The following DAP variants were observed in gnomAD, a reference collection of about 807,000 sequenced individuals.
DAP encodes the protein death associated protein.
In DAP, 8 loss-of-function variants were observed where a neutral mutation model predicts 13.8. The observed-to-expected ratio is 0.58, with a 90% confidence interval of 0.34 to 1.05. The LOEUF (loss-of-function observed/expected upper bound fraction) is 1.05, where lower values mean the gene tolerates loss of function less well. Among genes scored for constraint, DAP ranks in the 50% least tolerant of loss-of-function variants. The probability of loss-of-function intolerance (pLI) is 0.03; values close to 1 mark genes in which losing one functional copy is unlikely to be tolerated. For missense variants in DAP, 106 were observed against 133.2 expected, an observed-to-expected ratio of 0.80 and a Z score of 1.01; for synonymous variants, 47 against 47.5, an observed-to-expected ratio of 0.99 and a Z score of 0.04.
chr5:10,681,925 G>A (rs1420020442), intron 3 of DAP, among the ~76,000 whole-genome samples: 3 of 134,936 alleles, frequency 2.2e-5, no homozygotes, highest in Non-Finnish European at 4.8e-5. Context: ...AAGCATGGCG[G>A]TTGTATATGA....
At chr5:10,732,145 G>A (rs952221767) in intron 2 of DAP, among the ~76,000 whole-genome samples, 3 of 152,172 alleles carry the variant, frequency 2.0e-5, no homozygotes, top group African/African-American at 4.8e-5. Context: ...ACCTAGCCAT[G>A]GTTCCCAATT....
At chr5:10,725,891 C>T (rs1739277078) in intron 2 of DAP, among the ~76,000 whole-genome samples, 1 of 152,216 alleles carries the variant, frequency 6.6e-6, no homozygotes, top group Non-Finnish European at 1.5e-5. Context: ...GAGAGTCCCA[C>T]CACTTACCTT....
chr5:10,736,754 C>T (rs1191492692), intron 2 of DAP, among the ~76,000 whole-genome samples: 1 of 152,176 alleles, frequency 6.6e-6, no homozygotes, highest in Admixed American at 6.5e-5. Flanking sequence ...ATTCTCCTTC[C>T]CAGGGCAGAT....
At chr5:10,753,705 T>C (rs769093962) in intron 1 of DAP, among the ~76,000 whole-genome samples, 59 of 152,228 alleles carry the variant, frequency 3.9e-4, no homozygotes, top group Non-Finnish European at 7.3e-4. Flanking sequence ...AAGAGTTCCA[T>C]GAACCAGGGA....
chr5:10,711,241 G>A (rs376947111), intron 2 of DAP, among the ~76,000 whole-genome samples: 48 of 152,336 alleles, frequency 3.2e-4, no homozygotes, highest in Middle Eastern at 6.8e-3. Context: ...CAAGAGCAGC[G>A]CATGGCTCCC....
intron 2 of DAP, among the ~76,000 whole-genome samples, chr5:10,703,790 C>G (rs1231023928): frequency 6.6e-6 from 1 of 152,104 alleles, no homozygotes; most frequent in African/African-American, 2.4e-5. Flanking sequence ...GCACAGGGAG[C>G]CTTCCCCTGG....
At chr5:10,759,250 T>C (rs563574106) in intron 1 of DAP, among the ~76,000 whole-genome samples, 1 of 152,300 alleles carries the variant, frequency 6.6e-6, no homozygotes, top group East Asian at 1.9e-4. Flanking sequence ...GTACTTTGGT[T>C]CTGTATCATT....
chr5:10,747,358 A>T (rs1359280673), intron 2 of DAP, among the ~76,000 whole-genome samples: 2 of 152,222 alleles, frequency 1.3e-5, no homozygotes, highest in Admixed American at 6.5e-5. Flanking sequence ...GGTGTTGAGC[A>T]GGGGAGGAGG....
intron 1 of DAP, among the ~76,000 whole-genome samples, chr5:10,759,991 G>A (rs1740299175): frequency 1.3e-5 from 2 of 152,048 alleles, no homozygotes; most frequent in South Asian, 4.1e-4. Context: ...CTGACCTCAA[G>A]TGATCCACCC....
intron 2 of DAP, among the ~76,000 whole-genome samples, chr5:10,711,014 G>C (rs2126651799): frequency 6.6e-6 from 1 of 152,324 alleles, no homozygotes; most frequent in Non-Finnish European, 1.5e-5. Context: ...AAAGAGAAAA[G>C]GCAGTGCAGC....
At chr5:10,708,606 G>A (rs746545680) in intron 2 of DAP, among the ~76,000 whole-genome samples, 13 of 152,094 alleles carry the variant, frequency 8.5e-5, no homozygotes, top group Non-Finnish European at 1.9e-4. Context: ...GGGCTATAGC[G>A]TACAGTGTGA....
At chr5:10,697,042 C>A (rs192273810) in intron 2 of DAP, among the ~76,000 whole-genome samples, 4 of 151,906 alleles carry the variant, frequency 2.6e-5, no homozygotes, top group Admixed American at 1.3e-4. Context: ...GGGCAAGGGG[C>A]AAACTTAAAA....
intron 1 of DAP, among the ~76,000 whole-genome samples, chr5:10,752,966 G>C (rs1477616016): frequency 6.6e-6 from 1 of 152,196 alleles, no homozygotes; most frequent in Non-Finnish European, 1.5e-5. Flanking sequence ...TGCTTTTCCA[G>C]CTCTTCACCC....
chr5:10,749,743 CTT>C (rs34643253), intron 1 of DAP, among the ~76,000 whole-genome samples: 7 of 118,622 alleles, frequency 5.9e-5, no homozygotes, highest in South Asian at 2.8e-4. Flanking sequence ...GACCACACAA[CTT>C]TTTTTTTTTT....
At chr5:10,701,686 G>A (rs764926876) in intron 2 of DAP, among the ~76,000 whole-genome samples, 1 of 152,086 alleles carries the variant, frequency 6.6e-6, no homozygotes, top group Non-Finnish European at 1.5e-5. Context: ...CTTCATTCAG[G>A]GCAGCAAATT....
In DAP at chr5:10,707,410, C is replaced by T. The variant is rs1010892217; in HGVS notation, c.153-23839G>A. Among the ~76,000 whole-genome samples, 6 of 152,326 alleles carry T rather than the reference C, an allele frequency of 3.9e-5. No individual in the cohort carries two copies. The East Asian group carries it at 5.8e-4, about 15-fold the overall frequency. On this transcript the variant is annotated intron_variant, in intron 2 of 3. Transcript: ENST00000230895. The surrounding 1 kb of genome is among the most constrained non-coding windows in gnomAD (Gnocchi z 4.0). ...ATTTAAAGATTCATATTCAAAACCCCGTAACAATGTGGCCCCAGCACTGAG... is the reference window on the plus strand; with the variant it reads ...ATTTAAAGATTCATATTCAAAACCCTGTAACAATGTGGCCCCAGCACTGAG...
At chr5:10,693,084 C>T (rs1050984814) in intron 2 of DAP, among the ~76,000 whole-genome samples, 1 of 151,692 alleles carries the variant, frequency 6.6e-6, no homozygotes, top group Non-Finnish European at 1.5e-5. Flanking sequence ...AGCTTAGTTA[C>T]CACGAAGGTG....
chr5:10,689,481 C>G (rs1014130124), intron 2 of DAP, among the ~76,000 whole-genome samples: 4 of 152,202 alleles, frequency 2.6e-5, no homozygotes, highest in Non-Finnish European at 5.9e-5. Flanking sequence ...CTTGTGAAAC[C>G]CCAAATTCAC....
chr5:10,685,709 C>T (rs184133722), intron 2 of DAP, among the ~76,000 whole-genome samples: 1 of 152,254 alleles, frequency 6.6e-6, no homozygotes, highest in African/African-American at 2.4e-5. Flanking sequence ...TCTCCATGTC[C>T]TATTTGTTTT....
Sources: allele counts gnomAD v4.1 joint callset (sites outside exome capture counted in the v4.1 genomes callset), GRCh38; gene constraint gnomAD v4.1.1; non-coding constraint Gnocchi (gnomAD v3.1); transcripts MANE v1.5; gene names NCBI Gene and HGNC (gene_info 2026-07-23, HGNC 2026-07-21).